The following NMD3 variants were observed in gnomAD, a reference collection of about 807,000 sequenced individuals.
NMD3 encodes NMD3 ribosome export adaptor.
Under a neutral mutation model 73.1 loss-of-function variants are expected in NMD3, and 47 were observed. The ratio of observed to expected loss-of-function variants is 0.64; its 90% CI spans 0.51 to 0.82. The LOEUF (loss-of-function observed/expected upper bound fraction) is 0.82, where lower values mean the gene tolerates loss of function less well. Ranked by LOEUF, NMD3 falls within the 40% of genes least tolerant of loss-of-function variation. NMD3 has a pLI of 0.00. For synonymous variants in NMD3, 210 were observed against 194.5 expected (o/e 1.08, Z -0.66); for missense variants, 554 against 612.5 (o/e 0.90, Z 1.01).
chr3:161,238,606 G>A (rs1350557732), intron 8 of NMD3, 124 bp from the exon 9 acceptor site: 4 of 629,834 alleles, frequency 6.4e-6, no homozygotes, highest in Non-Finnish European at 1.1e-5. Flanking sequence ...TACCAGAGGA[G>A]GCATCATGAA....
chr3:161,245,582 T>C (rs1737168464), intron 11 of NMD3, among the ~76,000 whole-genome samples: 1 of 152,082 alleles, frequency 6.6e-6, no homozygotes, highest in Non-Finnish European at 1.5e-5. Flanking sequence ...TAAGAAACAC[T>C]TGATTCTTTT....
chr3:161,243,072 A>G (rs771644399), intron 11 of NMD3, among the ~76,000 whole-genome samples: 24 of 152,152 alleles, frequency 1.6e-4, no homozygotes, highest in African/African-American at 4.6e-4. Context: ...TACCATACCT[A>G]TAAAACATAC....
chr3:161,233,066 CTT>C (rs1736600774), intron 4 of NMD3, among the ~76,000 whole-genome samples: 3 of 149,776 alleles, frequency 2.0e-5, no homozygotes, highest in African/African-American at 7.3e-5. Context: ...GTCACAAGGT[CTT>C]TGCTTTCCTC....
chr3:161,232,508 C>CT (rs2108082422), intron 4 of NMD3, among the ~76,000 whole-genome samples: 1 of 152,270 alleles, frequency 6.6e-6, no homozygotes, highest in East Asian at 1.9e-4. Flanking sequence ...AATGTAACAT[C>CT]TTTTTCTCAT....
intron 7 of NMD3, among the ~76,000 whole-genome samples, chr3:161,237,094 C>A (rs1018833554): frequency 2.6e-5 from 4 of 152,118 alleles, no homozygotes; most frequent in Non-Finnish European, 4.4e-5. Context: ...TATTTCTCAG[C>A]TAGGTAGGTT....
intron 11 of NMD3, among the ~76,000 whole-genome samples, chr3:161,243,404 T>C (rs532553281): frequency 6.6e-6 from 1 of 152,302 alleles, no homozygotes; most frequent in East Asian, 1.9e-4. Flanking sequence ...AAAGGGAAAC[T>C]ATGGATAAGG....
Position 161,250,983 on chromosome 3 carries a change from C to A in NMD3, c.*73C>A. ...GAGTTACCTTAAGTGTCTCTACTATCTTTGCCTCCAGATTTCAAGAGGAGA... is the reference window on the plus strand; with the variant it reads ...GAGTTACCTTAAGTGTCTCTACTATATTTGCCTCCAGATTTCAAGAGGAGA... On this transcript the variant is annotated 3_prime_UTR_variant, in exon 16 of 16. Transcript: ENST00000351193. 3.2e-6 allele frequency: 4 copies of A among 1,234,452 alleles called. No individual in the cohort carries two copies. The highest frequency in any genetic ancestry group is 3.4e-6 in the Non-Finnish European group (3 of 881,302). The allele number at this position is 1,234,452 out of a possible 1,614,324, so 76.5% of individuals were successfully genotyped here. A position where few individuals can be genotyped will look rare whatever the true frequency, so the allele number is the denominator to read the frequency against.
rs1736621991 is a variant in NMD3 at position 161,233,480 on chromosome 3, G to T, written c.357+1G>T. 6.3e-7 allele frequency: 1 copy of T among 1,582,472 alleles called. No homozygotes were observed. Among genetic ancestry groups the T allele is most frequent in the Non-Finnish European group, 8.7e-7 (1 of 1,155,086 alleles). ...AGTTAAACTGACTATTCAGAAAGAGGTAAGCAGTACATAATTTTCTCAGCA... is the reference window on the plus strand; with the variant it reads ...AGTTAAACTGACTATTCAGAAAGAGTTAAGCAGTACATAATTTTCTCAGCA... On this transcript the variant is annotated splice_donor_variant, in intron 5 of 15. Coordinates refer to ENST00000351193, the MANE Select transcript of NMD3 (RefSeq NM_015938.5). LOFTEE classifies it high-confidence loss of function.
rs1576841006 is a variant in NMD3 at position 161,225,118 on chromosome 3, A to G, written c.179+54A>G. ...TAAAGTTGGAATTTACATTTAGAGAACCACCGAGATATGCTGAGATTACAC... is the reference window on the plus strand; with the variant it reads ...TAAAGTTGGAATTTACATTTAGAGAGCCACCGAGATATGCTGAGATTACAC... On this transcript the variant is annotated intron_variant, in intron 3 of 15. Transcript: ENST00000351193. 1.9e-6 allele frequency: 3 copies of G among 1,555,168 alleles called. No homozygotes were observed. The East Asian group carries it at 6.9e-5, about 36-fold the overall frequency.
intron 11 of NMD3, among the ~76,000 whole-genome samples, chr3:161,244,180 G>T (rs1209720699): frequency 6.6e-6 from 1 of 152,100 alleles, no homozygotes; most frequent in Non-Finnish European, 1.5e-5. Flanking sequence ...GTTTGGGCTG[G>T]AGTGCGGTAT....
At chr3:161,237,884 T>G (rs1487498892) in intron 7 of NMD3, among the ~76,000 whole-genome samples, 1 of 152,168 alleles carries the variant, frequency 6.6e-6, no homozygotes, top group Non-Finnish European at 1.5e-5. Flanking sequence ...TGAGTTTTAT[T>G]TTTTCTAGAA....
Position 161,238,174 on chromosome 3 carries a change from G to A in NMD3, c.639G>A (p.Gln213=), listed in dbSNP as rs765802277. The A allele has an allele frequency of 6.2e-7, 1 of 1,604,090 alleles. No homozygotes were observed. Among genetic ancestry groups the A allele is most frequent in the Non-Finnish European group, 8.5e-7 (1 of 1,174,258 alleles). The change falls in exon 8 of 16, where the codon CAG becomes CAA. Residue 213 remains glutamine, a synonymous_variant. Coordinates refer to ENST00000351193, the MANE Select transcript of NMD3 (RefSeq NM_015938.5). The stretch of plus-strand genomic sequence containing the variant: ...CTCAGAAGATGGTCGAATTTCTTCA[G>A]TGTACAGTTCCCTGTAGGTATGTTC... ...QHAQKMVEFL[Q]CTVPCRYKAS...
rs145088145 is a variant in NMD3 at position 161,248,287 on chromosome 3, C to G, written c.1203+957C>G. ...GGTGGATTGCTTGAGCTTAGGAGTTCGAGACCAGCCTGGAAAACACAGTGA... is the reference window on the plus strand; with the variant it reads ...GGTGGATTGCTTGAGCTTAGGAGTTGGAGACCAGCCTGGAAAACACAGTGA... On this transcript the variant is annotated intron_variant, in intron 13 of 15. Coordinates refer to ENST00000351193, the MANE Select transcript of NMD3 (RefSeq NM_015938.5). Among the ~76,000 whole-genome samples the G allele has an allele frequency of 4.2e-3, 644 of 151,816 alleles. 5 individuals carry two copies. Among genetic ancestry groups the G allele is most frequent in the African/African-American group, 0.015 (623 of 41,424 alleles).
At chr3:161,250,551 C>T (rs1737442753) in intron 15 of NMD3, among the ~76,000 whole-genome samples, 1 of 152,084 alleles carries the variant, frequency 6.6e-6, no homozygotes, top group Non-Finnish European at 1.5e-5. Context: ...AGCTTGATCC[C>T]TTAAGTTGCT....
chr3:161,224,711 T>C (rs1736239357), intron 2 of NMD3, among the ~76,000 whole-genome samples: 1 of 152,042 alleles, frequency 6.6e-6, no homozygotes, highest in South Asian at 2.1e-4. Context: ...GGTCTTGAAC[T>C]CCTTATCTCA....
chr3:161,232,190 A>G (rs1172855740), intron 4 of NMD3, among the ~76,000 whole-genome samples: 1 of 147,236 alleles, frequency 6.8e-6, no homozygotes, highest in Non-Finnish European at 1.5e-5. Flanking sequence ...AGGAATAGGA[A>G]TCTGCCTATC....
chr3:161,226,648 G>C (rs950522486), intron 3 of NMD3, among the ~76,000 whole-genome samples: 2 of 152,168 alleles, frequency 1.3e-5, no homozygotes, highest in Non-Finnish European at 2.9e-5. Flanking sequence ...ACTATAAGAT[G>C]TATGTGGCAT....
At chr3:161,224,197 G>A (rs953848830) in intron 2 of NMD3, among the ~76,000 whole-genome samples, 2 of 151,964 alleles carry the variant, frequency 1.3e-5, no homozygotes, top group Admixed American at 6.6e-5. Flanking sequence ...ACCCATACTG[G>A]CTATTTAAAT....
chr3:161,248,354 G>A (rs1737340279), intron 13 of NMD3, among the ~76,000 whole-genome samples: 1 of 151,932 alleles, frequency 6.6e-6, no homozygotes, highest in African/African-American at 2.4e-5. Context: ...GCCAGGCGTG[G>A]TGGCATGCAC....
Sources: gnomAD v4.1 joint callset for allele counts (sites outside exome capture counted in the v4.1 genomes callset) on GRCh38, gnomAD v4.1.1 for gene constraint, MANE v1.5 for transcripts, NCBI Gene and HGNC (gene_info 2026-07-23, HGNC 2026-07-21) for gene names.